Variants in BDP1 observed in about 807,000 individuals in gnomAD.
BDP1 encodes the protein transcription factor TFIIIB component B'' homolog.
In BDP1, 169 loss-of-function variants were observed where a neutral mutation model predicts 266.6. The ratio of observed to expected loss-of-function variants is 0.63; its 90% CI spans 0.56 to 0.72. The LOEUF (loss-of-function observed/expected upper bound fraction) is 0.72. Among genes scored for constraint, BDP1 ranks in the 30% least tolerant of loss-of-function variants. BDP1 has a pLI of 0.00. For missense variants in BDP1, 3,015 were observed against 3,053.8 expected, an observed-to-expected ratio of 0.99 and a Z score of 0.30; for synonymous variants, 1,090 against 1,022.4, an observed-to-expected ratio of 1.07 and a Z score of -1.26.
chr5:71,547,888 G>A (rs932413929), intron 32 of BDP1, among the ~76,000 whole-genome samples: 14 of 152,102 alleles, frequency 9.2e-5, no homozygotes, highest in African/African-American at 2.4e-4. Context: ...GCAGAGGGGC[G>A]GAGGTTGCAG....
At chr5:71,539,379 T>A (rs555130200) in intron 27 of BDP1, among the ~76,000 whole-genome samples, 178 bp from the exon 28 acceptor site, 1 of 152,198 alleles carries the variant, frequency 6.6e-6, no homozygotes, top group East Asian at 1.9e-4. Flanking sequence ...CCAACAGTGA[T>A]GATTTATTTA....
intron 21 of BDP1, among the ~76,000 whole-genome samples, chr5:71,516,607 A>G (rs1765235668): frequency 6.6e-6 from 1 of 152,214 alleles, no homozygotes; most frequent in Non-Finnish European, 1.5e-5. Context: ...CACTTATGCA[A>G]ATTTAAACAA....
intron 2 of BDP1, 145 bp downstream of exon 2, chr5:71,459,000 T>G: frequency 2.9e-6 from 2 of 701,254 alleles, no homozygotes; most frequent in Non-Finnish European, 4.7e-6. Flanking sequence ...TTCTTGTTAA[T>G]GGATTGATTG....
chr5:71,488,516 C>T (rs997162306), intron 9 of BDP1, among the ~76,000 whole-genome samples: 2 of 151,536 alleles, frequency 1.3e-5, no homozygotes, highest in African/African-American at 4.9e-5. Flanking sequence ...GCAGCCTCCA[C>T]CTCTCCAGTT....
At chr5:71,509,266 T>G (rs1015676024) in intron 16 of BDP1, among the ~76,000 whole-genome samples, 199 bp from the exon 17 acceptor site, 1 of 152,022 alleles carries the variant, frequency 6.6e-6, no homozygotes, top group Non-Finnish European at 1.5e-5. Flanking sequence ...ATATATATAT[T>G]TAAACTTATT....
rs1454137046 is a variant in BDP1, at chr5:71,553,223, A to G, written c.7103A>G (p.Lys2368Arg). The G allele has an allele frequency of 6.2e-7, 1 of 1,613,466 alleles. No homozygotes were observed. Among genetic ancestry groups the G allele is most frequent in the Admixed American group, 1.7e-5 (1 of 60,022 alleles). The change falls in exon 35 of 39, where the codon AAG becomes AGG. Residue 2368 changes from lysine to arginine, a missense_variant. Lys to Arg is a conservative substitution (Grantham distance 26). Around this residue, in one of 3 missense-constraint regions of BDP1, gnomAD observed 629 missense variants for 632.5 expected, o/e 0.99. Transcript: ENST00000358731. ...GATAATTTGGATCTTGTATCTAGGA[A>G]GAGATTTCAATGCAGGCTTGATAAA... ...PPDNLDLVSR[K>R]RFQCRLDKND...
chr5:71,544,135 G>C (rs1435765603), intron 30 of BDP1, among the ~76,000 whole-genome samples: 1 of 152,154 alleles, frequency 6.6e-6, no homozygotes, highest in Non-Finnish European at 1.5e-5. Context: ...GCAGCCATGA[G>C]TGAAATTTTT....
chr5:71,546,636 A>C (rs1236770355), intron 32 of BDP1, among the ~76,000 whole-genome samples: 27 of 151,340 alleles, frequency 1.8e-4, no homozygotes, highest in African/African-American at 5.8e-4. Context: ...AAAAAAAAAA[A>C]AAAAAAAAAC....
chr5:71,571,040 A>G (rs965283502), downstream of BDP1, among the ~76,000 whole-genome samples: 1 of 152,252 alleles, frequency 6.6e-6, no homozygotes, highest in Non-Finnish European at 1.5e-5. Flanking sequence ...AAGTATGACA[A>G]CTATTTATAT....
At chr5:71,535,872 C>T (rs1036514594) in intron 26 of BDP1, among the ~76,000 whole-genome samples, 8 of 152,242 alleles carry the variant, frequency 5.3e-5, no homozygotes, top group African/African-American at 1.4e-4. Context: ...ATTGGATTAG[C>T]ACCAACTCTA....
chr5:71,502,890 C>T, intron 15 of BDP1, 99 bp downstream of exon 15: 2 of 849,840 alleles, frequency 2.4e-6, no homozygotes, highest in South Asian at 1.9e-5. Flanking sequence ...TACATACATA[C>T]ATTTATTTAT....
chr5:71,564,895 TTC>T lies in BDP1; in HGVS notation c.*14_*15del, dbSNP rs1386185408. 2 of 1,576,388 alleles carry T rather than the reference TTC, an allele frequency of 1.3e-6. No individual in the cohort carries two copies. Among genetic ancestry groups the T allele is most frequent in the Non-Finnish European group, 1.7e-6 (2 of 1,166,850 alleles). On this transcript the variant is annotated 3_prime_UTR_variant, in exon 39 of 39. Transcript: ENST00000358731. ...GGATGAAACAGAATAAAACAATCTT[TTC>T]TCTTTTTCTTTTTTAAATTAGGTCT...
chr5:71,467,894 C>T (rs1046894392), intron 6 of BDP1, among the ~76,000 whole-genome samples: 8 of 152,100 alleles, frequency 5.3e-5, no homozygotes, highest in Non-Finnish European at 1.2e-4. Context: ...GGCTGGAGTG[C>T]AGTGAAACTA....
At chr5:71,572,962 C>G in the BDP1 span, among the ~76,000 whole-genome samples, 2 of 152,174 alleles carry the variant, frequency 1.3e-5, no homozygotes, top group Non-Finnish European at 2.9e-5. Flanking sequence ...GGCATGGTGG[C>G]TCACGCCTGT....
At position 71,544,375 on chromosome 5, in the gene BDP1, C is replaced by T. The variant is rs1435680352; in HGVS notation, c.6431C>T (p.Ser2144Phe). 1 of 1,608,374 alleles carries T rather than the reference C, an allele frequency of 6.2e-7. No homozygotes were observed. The highest frequency in any genetic ancestry group is 2.2e-5 in the East Asian group (1 of 44,810). ...ETQRETEKNA[S>F]KATELENKNL... ...GTTTAAGAAACAGAGAAAAATGCTT[C>T]CAAAGCAACAGAATTGGAAAATAAA... The change falls in exon 31 of 39, where the codon TCC (serine) becomes TTC (phenylalanine). Residue 2144 changes from serine to phenylalanine, a missense_variant. This residue lies in a region of BDP1 where 629 missense variants were observed against 632.5 expected (regional missense o/e 0.99). Transcript: ENST00000358731.
chr5:71,560,315 A>G (rs1490490188), intron 37 of BDP1, 78 bp downstream of exon 37: 4 of 1,413,428 alleles, frequency 2.8e-6, no homozygotes, highest in Non-Finnish European at 3.8e-6. Context: ...GATTAGATCC[A>G]GTACTAAGGA....
chr5:71,537,192 G>GGAA (rs1561766053), intron 26 of BDP1, among the ~76,000 whole-genome samples: 2 of 147,784 alleles, frequency 1.4e-5, no homozygotes, highest in African/African-American at 2.5e-5. Flanking sequence ...CCAAACCATG[G>GGAA]GAATAAAAGT....
At chr5:71,493,782 A>C (rs2150418063) in intron 11 of BDP1, among the ~76,000 whole-genome samples, 1 of 152,310 alleles carries the variant, frequency 6.6e-6, no homozygotes. Flanking sequence ...CTGAATATAG[A>C]GTTTAGGAAG....
intron 1 of BDP1, 48 bp downstream of exon 1, chr5:71,456,137 G>C: frequency 6.5e-7 from 1 of 1,550,338 alleles, no homozygotes; most frequent in East Asian, 2.3e-5. Context: ...GCCTCTCCGG[G>C]CATGTCACCT....
Sources: allele counts gnomAD v4.1 joint callset (sites outside exome capture counted in the v4.1 genomes callset), GRCh38; gene constraint gnomAD v4.1.1; regional missense constraint gnomAD v4.1.1; transcripts MANE v1.5; gene names NCBI Gene and HGNC (gene_info 2026-07-23, HGNC 2026-07-21).